The following WDFY2 variants were observed in gnomAD, a reference collection of about 807,000 sequenced individuals.
The protein encoded by WDFY2 is WD repeat and FYVE domain containing 2, also known as WD repeat and FYVE domain-containing protein 2.
A neutral mutation model predicts 56.4 loss-of-function variants in WDFY2; 36 were observed. That is an observed-to-expected ratio of 0.64 (90% confidence interval 0.49 to 0.84). The LOEUF (loss-of-function observed/expected upper bound fraction) is 0.84, where lower values mean the gene tolerates loss of function less well. Among genes scored for constraint, WDFY2 ranks in the 40% least tolerant of loss-of-function variants. The pLI, the probability that WDFY2 is intolerant of heterozygous loss-of-function variation, is 0.00. For missense variants in WDFY2, 444 were observed against 512.2 expected (o/e 0.87, Z 1.29); for synonymous variants, 176 against 183.7 (o/e 0.96, Z 0.34).
chr13:51,762,123 C>T lies in WDFY2; in HGVS notation c.*2354C>T, dbSNP rs1407236949. On this transcript the variant is annotated 3_prime_UTR_variant, in exon 12 of 12. Transcript: ENST00000298125. ...TGTGTGTTGGAAATGAGTAATAGAG[C>T]TGAATCACTCCATTTTCCCTTCCTA... 6.6e-6 allele frequency: 1 copy of T among 152,216 alleles called. No individual in the cohort carries two copies. Among genetic ancestry groups the T allele is most frequent in the Non-Finnish European group, 1.5e-5 (1 of 68,060 alleles). The allele number at this position is 152,216 out of a possible 1,614,324, so 9.4% of individuals were successfully genotyped here. A position where few individuals can be genotyped will look rare whatever the true frequency, so the allele number is the denominator to read the frequency against.
At chr13:51,698,588 A>G (rs1335269301) in intron 3 of WDFY2, among the ~76,000 whole-genome samples, 2 of 152,242 alleles carry the variant, frequency 1.3e-5, no homozygotes, top group South Asian at 2.1e-4. Flanking sequence ...TACTAATGCT[A>G]TTAATACACG....
intron 1 of WDFY2, among the ~76,000 whole-genome samples, chr13:51,618,032 T>C (rs563316720): frequency 1.3e-5 from 2 of 152,342 alleles, no homozygotes; most frequent in South Asian, 4.1e-4. Flanking sequence ...TCACACCTTT[T>C]TTGATGTAGA....
chr13:51,750,929 A>T (rs1288549218), intron 7 of WDFY2, among the ~76,000 whole-genome samples: 3 of 152,160 alleles, frequency 2.0e-5, no homozygotes, highest in African/African-American at 7.2e-5. Flanking sequence ...TTCAAGGATA[A>T]TTTTTTAAAA....
chr13:51,601,185 A>G (rs984787215), intron 1 of WDFY2, among the ~76,000 whole-genome samples: 1 of 152,184 alleles, frequency 6.6e-6, no homozygotes, highest in Non-Finnish European at 1.5e-5. Flanking sequence ...ATTTTGTGAT[A>G]TATTTAATCA....
intron 1 of WDFY2, among the ~76,000 whole-genome samples, chr13:51,599,694 G>A (rs1954228515): frequency 6.6e-6 from 1 of 152,094 alleles, no homozygotes; most frequent in South Asian, 2.1e-4. Flanking sequence ...TTTTGAATAA[G>A]GAGCTTACTT....
In WDFY2 at chr13:51,761,713, G is replaced by A. The variant is rs1953589327; in HGVS notation, c.*1944G>A. Reference sequence around the variant, plus strand: ...GTCCTCAGGTACTGCCCCTACGTGTGTTTCCCTGGGATGGGGCCTTGCTAG... The same window carrying A: ...GTCCTCAGGTACTGCCCCTACGTGTATTTCCCTGGGATGGGGCCTTGCTAG... On this transcript the variant is annotated 3_prime_UTR_variant, in exon 12 of 12. Coordinates refer to ENST00000298125, the MANE Select transcript of WDFY2 (RefSeq NM_052950.4). 1 of 152,216 alleles carries A rather than the reference G, an allele frequency of 6.6e-6. No homozygotes were observed. Among genetic ancestry groups the A allele is most frequent in the South Asian group, 2.1e-4 (1 of 4,826 alleles). 9.4% of individuals were successfully genotyped at this position (152,216 alleles called of 1,614,324 possible).
intron 1 of WDFY2, among the ~76,000 whole-genome samples, chr13:51,650,021 A>G (rs1418509628): frequency 6.6e-6 from 1 of 151,908 alleles, no homozygotes; most frequent in Non-Finnish European, 1.5e-5. Flanking sequence ...TGTGGCCATT[A>G]TCACGATATT....
At chr13:51,747,675 G>A (rs1220768681) in intron 7 of WDFY2, among the ~76,000 whole-genome samples, 1 of 152,122 alleles carries the variant, frequency 6.6e-6, no homozygotes, top group East Asian at 1.9e-4. Flanking sequence ...GGGACTACAG[G>A]CATGTACCAC....
intron 1 of WDFY2, among the ~76,000 whole-genome samples, chr13:51,659,608 A>T (rs1271777313): frequency 6.6e-6 from 1 of 152,196 alleles, no homozygotes; most frequent in East Asian, 1.9e-4. Flanking sequence ...GAACATCATG[A>T]TACTTCCCAG....
At chr13:51,595,995 G>A (rs1954136732) in intron 1 of WDFY2, among the ~76,000 whole-genome samples, 1 of 152,122 alleles carries the variant, frequency 6.6e-6, no homozygotes, top group Non-Finnish European at 1.5e-5. Context: ...TTTTAGAAAA[G>A]CTTAGATTAC....
chr13:51,632,238 T>C (rs1954966105), intron 1 of WDFY2, among the ~76,000 whole-genome samples: 1 of 152,166 alleles, frequency 6.6e-6, no homozygotes, highest in Non-Finnish European at 1.5e-5. Context: ...TCTTTTTCTC[T>C]CTGACATTCC....
At chr13:51,739,286 T>C in intron 7 of WDFY2, 111 bp downstream of exon 7, 1 of 1,294,298 alleles carries the variant, frequency 7.7e-7, no homozygotes, top group South Asian at 2.1e-5. Context: ...GGAAGGAACA[T>C]GGCGGGAACA....
intron 1 of WDFY2, among the ~76,000 whole-genome samples, chr13:51,636,152 G>T (rs573816235): frequency 1.7e-3 from 259 of 152,208 alleles, no homozygotes; most frequent in African/African-American, 5.6e-3. Context: ...AAAGATTTTG[G>T]TTTTTGCTGA....
intron 8 of WDFY2, among the ~76,000 whole-genome samples, 189 bp from the exon 9 acceptor site, chr13:51,755,169 T>C (rs1953339311): frequency 2.0e-5 from 3 of 152,216 alleles, no homozygotes; most frequent in Admixed American, 2.0e-4. Flanking sequence ...TATTCACCAC[T>C]ACATCCCATC....
chr13:51,644,993 G>T lies in WDFY2; in HGVS notation c.138-15603G>T, dbSNP rs1955238124. Among the ~76,000 whole-genome samples the T allele has an allele frequency of 1.3e-5, 2 of 152,094 alleles. 1 individual carries two copies. Among genetic ancestry groups the T allele is most frequent in the Non-Finnish European group, 2.9e-5 (2 of 68,024 alleles). ...TTTAGGTTATTTACTATATGTGGTT[G>T]GAATGCATTTGCTGGGAACCTCTCA... On this transcript the variant is annotated intron_variant, in intron 1 of 11. Transcript: ENST00000298125.
intron 2 of WDFY2, among the ~76,000 whole-genome samples, chr13:51,663,563 A>C (rs545489823): frequency 2.0e-4 from 31 of 152,334 alleles, no homozygotes; most frequent in African/African-American, 6.7e-4. Flanking sequence ...TTACGCATTC[A>C]GATGATGTAA....
intron 2 of WDFY2, among the ~76,000 whole-genome samples, chr13:51,674,760 A>C (rs920779005): frequency 6.6e-6 from 1 of 152,158 alleles, no homozygotes. Context: ...AGGGATAATA[A>C]GATCTTTCTT....
At chr13:51,638,476 G>GT (rs1259670230) in intron 1 of WDFY2, among the ~76,000 whole-genome samples, 1 of 152,206 alleles carries the variant, frequency 6.6e-6, no homozygotes, top group Non-Finnish European at 1.5e-5. Flanking sequence ...ATAAGTGCAA[G>GT]TGAGTGGATT....
chr13:51,639,130 A>T (rs980116302), intron 1 of WDFY2, among the ~76,000 whole-genome samples: 1 of 152,192 alleles, frequency 6.6e-6, no homozygotes, highest in Non-Finnish European at 1.5e-5. Context: ...GACTTTTCTC[A>T]ACCAAAAATA....
Sources: allele counts gnomAD v4.1 joint callset (sites outside exome capture counted in the v4.1 genomes callset), GRCh38; gene constraint gnomAD v4.1.1; transcripts MANE v1.5; gene names NCBI Gene and HGNC (gene_info 2026-07-23, HGNC 2026-07-21).